Variants in UNC5D observed in about 807,000 individuals in gnomAD.
UNC5D encodes netrin receptor UNC5D.
Under a neutral mutation model 105.4 loss-of-function variants are expected in UNC5D, and 39 were observed. The ratio of observed to expected loss-of-function variants is 0.37; its 90% confidence interval spans 0.29 to 0.48. The LOEUF (loss-of-function observed/expected upper bound fraction) is 0.48. Among genes scored for constraint, UNC5D ranks in the 20% least tolerant of loss-of-function variants. The pLI is 0.98. For synonymous variants in UNC5D, 452 were observed against 450.4 expected (o/e 1.00, Z -0.04); for missense variants, 991 against 1,202.4 (o/e 0.82, Z 2.60).
intron 13 of UNC5D, among the ~76,000 whole-genome samples, chr8:35,755,401 T>G (rs56274851): frequency 0.031 from 4,710 of 152,240 alleles, 262 homozygotes; most frequent in African/African-American, 0.11. Context: ...CTTGTGTTTA[T>G]CAATAATGCA....
intron 4 of UNC5D, among the ~76,000 whole-genome samples, chr8:35,602,673 A>G (rs1007587160): frequency 2.0e-5 from 3 of 151,980 alleles, no homozygotes; most frequent in African/African-American, 7.3e-5. Context: ...TATTGCGTCT[A>G]TTTGATTCTT....
chr8:35,468,236 CAGAT>C (rs1309434839), intron 1 of UNC5D, among the ~76,000 whole-genome samples: 7 of 152,150 alleles, frequency 4.6e-5, no homozygotes, highest in African/African-American at 1.7e-4. Context: ...CGTGAAGACA[CAGAT>C]AAACAGGGAT....
chr8:35,648,618 G>A (rs1340757987), intron 4 of UNC5D, among the ~76,000 whole-genome samples: 1 of 145,934 alleles, frequency 6.9e-6, no homozygotes, highest in Admixed American at 7.0e-5. Context: ...AGCAGAGGTT[G>A]CAGTGAGCTC....
intron 4 of UNC5D, among the ~76,000 whole-genome samples, chr8:35,625,226 A>G (rs141596310): frequency 1.5e-3 from 224 of 152,158 alleles, no homozygotes; most frequent in Non-Finnish European, 2.6e-3. Context: ...TTAAAACTCT[A>G]TCACTTGAAA....
intron 1 of UNC5D, among the ~76,000 whole-genome samples, chr8:35,537,576 G>A: frequency 6.6e-6 from 1 of 152,106 alleles, no homozygotes; most frequent in East Asian, 1.9e-4. Context: ...AGGTACTAAG[G>A]AGGCTGGGAT....
chr8:35,759,593 G>C, intron 14 of UNC5D, 124 bp downstream of exon 14: 1 of 1,132,374 alleles, frequency 8.8e-7, no homozygotes, highest in Non-Finnish European at 1.3e-6. Flanking sequence ...CCTCAAAACT[G>C]TCACAGAAAT....
chr8:35,611,338 C>T (rs1008683439), intron 4 of UNC5D, among the ~76,000 whole-genome samples: 1 of 152,164 alleles, frequency 6.6e-6, no homozygotes, highest in Non-Finnish European at 1.5e-5. Flanking sequence ...TATCAAAAAG[C>T]TTCGTGGCCC....
chr8:35,428,727 G>C (rs1015156701), intron 1 of UNC5D, among the ~76,000 whole-genome samples: 6 of 151,992 alleles, frequency 3.9e-5, no homozygotes, highest in African/African-American at 1.4e-4. Flanking sequence ...ATCCAACAGG[G>C]TTTTCTAACA....
chr8:35,400,899 G>A (rs1804415076), intron 1 of UNC5D, among the ~76,000 whole-genome samples: 8 of 152,142 alleles, frequency 5.3e-5, no homozygotes, highest in Admixed American at 5.2e-4. Flanking sequence ...GTGTACAGTG[G>A]AGGGGGCATG....
chr8:35,264,081 T>G (rs926603143), intron 1 of UNC5D, among the ~76,000 whole-genome samples: 1 of 152,224 alleles, frequency 6.6e-6, no homozygotes, highest in Non-Finnish European at 1.5e-5. Flanking sequence ...GCAAAAAACA[T>G]AATCAAATAA....
chr8:35,556,224 G>T (rs761935632), intron 2 of UNC5D, among the ~76,000 whole-genome samples: 3 of 152,146 alleles, frequency 2.0e-5, no homozygotes, highest in Non-Finnish European at 2.9e-5. Flanking sequence ...TTTTGAATGA[G>T]ACAAGTGTAT....
chr8:35,600,030 C>A (rs1465651658), intron 4 of UNC5D, among the ~76,000 whole-genome samples: 1 of 152,084 alleles, frequency 6.6e-6, no homozygotes, highest in Non-Finnish European at 1.5e-5. Flanking sequence ...TCAATTCCCA[C>A]CTATGAGTGA....
intron 4 of UNC5D, among the ~76,000 whole-genome samples, chr8:35,622,288 G>GCCACAATC (rs1334271155): frequency 6.6e-6 from 1 of 152,154 alleles, no homozygotes; most frequent in Non-Finnish European, 1.5e-5. Context: ...GTTGCAGTGA[G>GCCACAATC]CCACAATCGC....
chr8:35,301,469 AG>A (rs1368043283), intron 1 of UNC5D, among the ~76,000 whole-genome samples: 1 of 152,206 alleles, frequency 6.6e-6, no homozygotes, highest in Non-Finnish European at 1.5e-5. Flanking sequence ...AGCTCCATCC[AG>A]TAACCTGAGT....
At chr8:35,332,947 T>C (rs1028754100) in intron 1 of UNC5D, among the ~76,000 whole-genome samples, 2 of 152,184 alleles carry the variant, frequency 1.3e-5, no homozygotes, top group African/African-American at 4.8e-5. Context: ...AACATACAGT[T>C]CTAATCAAGT....
At chr8:35,331,611 C>A (rs1461321120) in intron 1 of UNC5D, among the ~76,000 whole-genome samples, 1 of 152,128 alleles carries the variant, frequency 6.6e-6, no homozygotes, top group Non-Finnish European at 1.5e-5. Context: ...TGAATATGGA[C>A]CATCCTTGGA....
chr8:35,754,488 T>C (rs891721083), intron 13 of UNC5D, among the ~76,000 whole-genome samples: 3 of 152,186 alleles, frequency 2.0e-5, no homozygotes, highest in African/African-American at 7.2e-5. Context: ...GGGTTGCATC[T>C]TTCACTTCAT....
chr8:35,601,909 A>G (rs1205579042), intron 4 of UNC5D, among the ~76,000 whole-genome samples: 5 of 152,130 alleles, frequency 3.3e-5, no homozygotes, highest in Non-Finnish European at 7.3e-5. Context: ...GTTTTTGTCC[A>G]TTCAGTGTGA....
rs145163800 is a variant in UNC5D at position 35,767,101 on chromosome 8, T to C, written c.2478+35T>C. 24 of 1,573,540 alleles carry C rather than the reference T, an allele frequency of 1.5e-5. No individual in the cohort carries two copies. The African/African-American group carries it at 2.8e-4, about 19-fold the overall frequency. ...TGATCTACAGGTCATTTGACCCCCT[T>C]TCTGAAGGACGATAAGAATAATAAA... On this transcript the variant is annotated intron_variant, in intron 15 of 16. Coordinates refer to ENST00000404895, the MANE Select transcript of UNC5D (RefSeq NM_080872.4).
Sources: gnomAD v4.1 joint callset for allele counts (sites outside exome capture counted in the v4.1 genomes callset) on GRCh38, gnomAD v4.1.1 for gene constraint, MANE v1.5 for transcripts, NCBI Gene and HGNC (gene_info 2026-07-23, HGNC 2026-07-21) for gene names.